The following ILDR2 variants were observed in gnomAD, a reference collection of about 807,000 sequenced individuals.
ILDR2 encodes the protein immunoglobulin-like domain-containing receptor 2.
Under a neutral mutation model 66.8 loss-of-function variants are expected in ILDR2, and 25 were observed. That is an observed-to-expected ratio of 0.37 (90% confidence interval 0.27 to 0.52). The LOEUF is 0.52. Among genes scored for constraint, ILDR2 ranks in the 20% least tolerant of loss-of-function variants. The pLI is 0.88. For missense variants in ILDR2, 827 were observed against 876.8 expected, an observed-to-expected ratio of 0.94 and a Z score of 0.72; for synonymous variants, 367 against 357.2, an observed-to-expected ratio of 1.03 and a Z score of -0.31.
At chr1:166,905,750 A>C (rs995654434), downstream of ILDR2, among the ~76,000 whole-genome samples, 1 of 152,218 alleles carries the variant, frequency 6.6e-6, no homozygotes. Context: ...AGCATCATTT[A>C]GAACCTCTAT....
At chr1:166,923,511 CT>C (rs1660086107) in intron 7 of ILDR2, among the ~76,000 whole-genome samples, 1 of 152,220 alleles carries the variant, frequency 6.6e-6, no homozygotes, top group Non-Finnish European at 1.5e-5. Context: ...ACCTCTTCCC[CT>C]CTCCCAAAAA....
chr1:166,920,127 G>A (rs11579987), intron 9 of ILDR2, among the ~76,000 whole-genome samples: 1 of 152,112 alleles, frequency 6.6e-6, no homozygotes. Flanking sequence ...AGGGACCAAA[G>A]GATTTCCTTC....
chr1:166,925,442 C>G (rs1211561102), intron 7 of ILDR2, among the ~76,000 whole-genome samples: 1 of 152,218 alleles, frequency 6.6e-6, no homozygotes, highest in African/African-American at 2.4e-5. Flanking sequence ...CTTTCCCTTT[C>G]TACCTTAGTG....
intron 1 of ILDR2, among the ~76,000 whole-genome samples, chr1:166,972,790 T>G (rs80260812): frequency 2.0e-5 from 3 of 151,994 alleles, no homozygotes; most frequent in Non-Finnish European, 4.4e-5. Context: ...ATGAATGTGG[T>G]TTTTTTCCTG....
In ILDR2 at chr1:166,936,697, G is replaced by C. The variant is rs758891563; in HGVS notation, c.597C>G (p.Leu199=). 7 of 1,614,036 alleles carry C rather than the reference G, an allele frequency of 4.3e-6. No homozygotes were observed. Among genetic ancestry groups the C allele is most frequent in the Non-Finnish European group, 5.9e-6 (7 of 1,180,036 alleles). ...AGCAGATCCCCACCAGGACGAAGAA[G>C]AGGAAGACGCCCAGGAGCACCAGGC... ...FVGLVLLGVF[L]FFVLVGICWC... Residue 199 remains leucine (L), a synonymous_variant, in exon 5 of 10, where the codon CTC becomes CTG. Transcript: ENST00000271417. The surrounding 1 kb of genome is among the most constrained non-coding windows in gnomAD (Gnocchi z 5.0).
At position 166,921,373 on chromosome 1, in the gene ILDR2, C is replaced by A; in HGVS notation, c.1218G>T (p.Pro406=). The change falls in exon 9 of 10, where the codon CCG becomes CCT. Residue 406 remains proline (P), a synonymous_variant. Coordinates refer to ENST00000271417, the MANE Select transcript of ILDR2 (RefSeq NM_199351.3). The surrounding 1 kb of genome is among the most constrained non-coding windows in gnomAD (Gnocchi z 5.3). ...GCGACAGCATCTCCGACTTGGAGCG[C>A]GGCTGGCTGCGGGCAGAGAAGGAGG... ...EDRESFRHSQ[P]RSKSEMLSRK... The A allele has an allele frequency of 6.4e-7, 1 of 1,561,934 alleles. No homozygotes were observed. The highest frequency in any genetic ancestry group is 8.7e-7 in the Non-Finnish European group (1 of 1,150,910).
At chr1:166,931,491 G>T (rs1571130325) in intron 6 of ILDR2, among the ~76,000 whole-genome samples, 1 of 152,190 alleles carries the variant, frequency 6.6e-6, no homozygotes, top group Non-Finnish European at 1.5e-5. Flanking sequence ...TTTTGAAAAT[G>T]ACATTTCAAA....
chr1:166,975,319 TG>T lies in ILDR2; in HGVS notation c.-52del. ...CGGAGTGAGGAAAGTGGGAAATGGC[TG>T]GAACAGAAGGATCGCTGTCACCCCG... On this transcript the variant is annotated 5_prime_UTR_variant, in exon 1 of 10. Coordinates refer to ENST00000271417, the MANE Select transcript of ILDR2 (RefSeq NM_199351.3). 6.4e-7 allele frequency: 1 copy of T among 1,567,870 alleles called. No individual in the cohort carries two copies. Among genetic ancestry groups the T allele is most frequent in the Non-Finnish European group, 8.8e-7 (1 of 1,141,006 alleles).
intron 4 of ILDR2, among the ~76,000 whole-genome samples, chr1:166,937,418 TC>T (rs1174209573): frequency 1.3e-5 from 2 of 152,176 alleles, no homozygotes; most frequent in Non-Finnish European, 2.9e-5. Flanking sequence ...GAAGACACTG[TC>T]CCCGTGAACA....
At chr1:166,919,824 C>T (rs978510664) in intron 9 of ILDR2, among the ~76,000 whole-genome samples, 3 of 152,140 alleles carry the variant, frequency 2.0e-5, no homozygotes, top group Non-Finnish European at 2.9e-5. Context: ...TATTCCTTCT[C>T]CCCATACTAA....
At chr1:166,906,623 T>G (rs1659354845), downstream of ILDR2, among the ~76,000 whole-genome samples, 1 of 152,212 alleles carries the variant, frequency 6.6e-6, no homozygotes, top group African/African-American at 2.4e-5. Flanking sequence ...GAGCTTTGTG[T>G]GTTCTAAGGC....
intron 3 of ILDR2, among the ~76,000 whole-genome samples, chr1:166,950,276 A>G (rs1423823844): frequency 6.6e-6 from 1 of 152,166 alleles, no homozygotes; most frequent in Non-Finnish European, 1.5e-5. Context: ...AGCCACTCTC[A>G]GAGATCAAAG....
At position 166,919,397 on chromosome 1, in the gene ILDR2, A is replaced by G; in HGVS notation, c.1885-7T>C. ...TCCTGGTTGGAAAGTCATTCTAGGA[A>G]AGAGCAGAAAGAGCCCAACATTAAG... On this transcript the variant is annotated splice_polypyrimidine_tract_variant and splice_region_variant and intron_variant, in intron 9 of 9. Transcript: ENST00000271417. The G allele has an allele frequency of 6.2e-7, 1 of 1,604,260 alleles. No individual in the cohort carries two copies. The highest frequency in any genetic ancestry group is 1.1e-5 in the South Asian group (1 of 90,318).
At position 166,975,325 on chromosome 1, in the gene ILDR2, A is replaced by T. The variant is rs968605373; in HGVS notation, c.-57T>A. 1 of 1,535,592 alleles carries T rather than the reference A, an allele frequency of 6.5e-7. No individual in the cohort carries two copies. The highest frequency in any genetic ancestry group is 1.4e-5 in the African/African-American group (1 of 72,910). ...GAGGAAAGTGGGAAATGGCTGGAACAGAAGGATCGCTGTCACCCCGCGGCA... is the reference window on the plus strand; with the variant it reads ...GAGGAAAGTGGGAAATGGCTGGAACTGAAGGATCGCTGTCACCCCGCGGCA... On this transcript the variant is annotated 5_prime_UTR_variant, in exon 1 of 10. Transcript: ENST00000271417.
At position 166,957,486 on chromosome 1, in the gene ILDR2, G is replaced by C. The variant is rs1040865893; in HGVS notation, c.379+283C>G. Among the ~76,000 whole-genome samples, 13 of 152,106 alleles carry C rather than the reference G, an allele frequency of 8.5e-5. 1 individual carries two copies. The highest frequency in any genetic ancestry group is 5.9e-5 in the Non-Finnish European group (4 of 68,016). ...TTCCCCTAAAACCCGTGTCAATTCA[G>C]CTCTAAAAACAAGCTCCTGAGGCTT... On this transcript the variant is annotated intron_variant, in intron 2 of 9. Transcript: ENST00000271417.
chr1:166,955,607 A>C (rs970035930), intron 3 of ILDR2, among the ~76,000 whole-genome samples: 6 of 152,228 alleles, frequency 3.9e-5, no homozygotes, highest in Admixed American at 3.9e-4. Context: ...TGTCTCAAAA[A>C]TAAAATCAAA....
In ILDR2 at chr1:166,936,862, A is replaced by G; in HGVS notation, c.557-125T>C. 1.1e-6 allele frequency: 1 copy of G among 875,510 alleles called. No homozygotes were observed. Among genetic ancestry groups the G allele is most frequent in the Non-Finnish European group, 1.8e-6 (1 of 554,816 alleles). 54.2% of individuals were successfully genotyped at this position (875,510 alleles called of 1,614,324 possible). On this transcript the variant is annotated intron_variant, in intron 4 of 9. Coordinates refer to ENST00000271417, the MANE Select transcript of ILDR2 (RefSeq NM_199351.3). The surrounding 1 kb of genome is among the most constrained non-coding windows in gnomAD (Gnocchi z 5.0). ...GGACCTAGGGAAGAAAGCTTCTCTTAACAGGAGACAGAGCCCCAACACTCA... is the reference window on the plus strand; with the variant it reads ...GGACCTAGGGAAGAAAGCTTCTCTTGACAGGAGACAGAGCCCCAACACTCA...
chr1:166,907,433 A>C (rs1014558791), downstream of ILDR2, among the ~76,000 whole-genome samples: 1 of 152,214 alleles, frequency 6.6e-6, no homozygotes, highest in Non-Finnish European at 1.5e-5. Context: ...CGTCTCAGGA[A>C]TCGCCATGGA....
In ILDR2 at chr1:166,921,225, G is replaced by T. The variant is rs776736173; in HGVS notation, c.1366C>A (p.Arg456Ser). 3 of 1,593,030 alleles carry T rather than the reference G, an allele frequency of 1.9e-6. No homozygotes were observed. The highest frequency in any genetic ancestry group is 2.6e-6 in the Non-Finnish European group (3 of 1,175,394). The stretch of plus-strand genomic sequence containing the variant: ...GCCCGCGACTCCGAGCGCTCGAAGC[G>T]GCTCCCGCCCCGCGCCTCGTGACTG... ...GNSHEARGGS[R>S]FERSESRAHS... is the part of the protein sequence containing the mutation. The change falls in exon 9 of 10, where the codon CGC (arginine) becomes AGC (serine). Residue 456 changes from arginine (R) to serine (S), a missense_variant. By Grantham distance (110) the Arg-to-Ser change is moderately radical. Around this residue, in one of 2 missense-constraint regions of ILDR2, gnomAD observed 390 missense variants for 353.6 expected, o/e 1.10. Transcript: ENST00000271417. The surrounding 1 kb of genome is among the most constrained non-coding windows in gnomAD (Gnocchi z 5.3).
Sources: allele counts gnomAD v4.1 joint callset (sites outside exome capture counted in the v4.1 genomes callset), GRCh38; gene constraint gnomAD v4.1.1; regional missense constraint gnomAD v4.1.1; non-coding constraint Gnocchi (gnomAD v3.1); transcripts MANE v1.5; gene names NCBI Gene and HGNC (gene_info 2026-07-23, HGNC 2026-07-21).